Variants in LRRC7 observed in about 807,000 individuals in gnomAD.
The protein encoded by LRRC7 is leucine rich repeat containing 7.
A neutral mutation model predicts 175.7 loss-of-function variants in LRRC7; 23 were observed. That is an observed-to-expected ratio of 0.13 (90% CI 0.09 to 0.19). The LOEUF (loss-of-function observed/expected upper bound fraction) is 0.19. Among genes scored for constraint, LRRC7 ranks in the 10% least tolerant of loss-of-function variants. LRRC7 has a pLI of 1.00. For missense variants in LRRC7, 1,354 were observed against 1,904.7 expected (o/e 0.71, Z 5.38); for synonymous variants, 685 against 680.9 (o/e 1.01, Z -0.09).
At chr1:69,661,545 T>G (rs756169488) in intron 1 of LRRC7, among the ~76,000 whole-genome samples, 7 of 152,132 alleles carry the variant, frequency 4.6e-5, no homozygotes, top group Non-Finnish European at 1.5e-5. Flanking sequence ...TTACTCTGAG[T>G]GGTCAGCACC....
At chr1:69,846,843 C>A (rs1205252022) in intron 7 of LRRC7, among the ~76,000 whole-genome samples, 1 of 151,876 alleles carries the variant, frequency 6.6e-6, no homozygotes, top group Non-Finnish European at 1.5e-5. Context: ...GACATGAGTT[C>A]TAGATATTTT....
chr1:69,976,188 A>T (rs1023097621), intron 8 of LRRC7, among the ~76,000 whole-genome samples: 11 of 152,162 alleles, frequency 7.2e-5, no homozygotes, highest in African/African-American at 2.4e-4. Context: ...AGGGGAGTTT[A>T]TTAAGTAGTA....
intron 1 of LRRC7, among the ~76,000 whole-genome samples, chr1:69,613,113 G>A (rs1649052346): frequency 2.0e-5 from 3 of 152,038 alleles, no homozygotes; most frequent in African/African-American, 4.8e-5. Context: ...AACAAGTATA[G>A]CATAGACTAT....
chr1:69,860,565 C>T (rs909156651), intron 7 of LRRC7, among the ~76,000 whole-genome samples: 14 of 151,536 alleles, frequency 9.2e-5, no homozygotes, highest in African/African-American at 2.9e-4. Context: ...CTAATATATA[C>T]TAGAATGAAT....
At chr1:69,974,532 G>A (rs896444038) in intron 8 of LRRC7, among the ~76,000 whole-genome samples, 4 of 152,012 alleles carry the variant, frequency 2.6e-5, no homozygotes, top group African/African-American at 7.3e-5. Context: ...AATTTTTAAC[G>A]GAAACAACTG....
intron 2 of LRRC7, among the ~76,000 whole-genome samples, chr1:69,750,494 G>A (rs1362519441): frequency 1.3e-5 from 2 of 152,122 alleles, no homozygotes; most frequent in Non-Finnish European, 2.9e-5. Flanking sequence ...GAAAACATTG[G>A]TTTGAACAAA....
chr1:70,139,217 C>A lies in LRRC7; in HGVS notation c.*17330C>A, dbSNP rs1241975491. ...ATCAAACAGCAAGTGATAGAACATTCAGGCGTTTTATTGGATTTCAGAATT... is the reference window on the plus strand; with the variant it reads ...ATCAAACAGCAAGTGATAGAACATTAAGGCGTTTTATTGGATTTCAGAATT... On this transcript the variant is annotated 3_prime_UTR_variant, in exon 27 of 27. Transcript: ENST00000651989. The A allele has an allele frequency of 6.6e-6, 1 of 152,144 alleles. No individual in the cohort carries two copies. Among genetic ancestry groups the A allele is most frequent in the Non-Finnish European group, 1.5e-5 (1 of 68,026 alleles). 9.4% of individuals were successfully genotyped at this position (152,144 alleles called of 1,614,324 possible).
At chr1:70,104,837 C>T (rs1665035691) in intron 25 of LRRC7, among the ~76,000 whole-genome samples, 1 of 152,124 alleles carries the variant, frequency 6.6e-6, no homozygotes, top group Non-Finnish European at 1.5e-5. Context: ...GATATGATGA[C>T]CTTAATTCAG....
intron 23 of LRRC7, among the ~76,000 whole-genome samples, chr1:70,074,509 G>T (rs1662631168): frequency 6.6e-6 from 1 of 152,186 alleles, no homozygotes; most frequent in Non-Finnish European, 1.5e-5. Context: ...TATTTATGAG[G>T]TTATAGATCT....
intron 7 of LRRC7, among the ~76,000 whole-genome samples, chr1:69,851,028 G>T (rs140634406): frequency 6.6e-6 from 1 of 152,122 alleles, no homozygotes; most frequent in Non-Finnish European, 1.5e-5. Context: ...ATGAGAGTGA[G>T]CAGCCAGAGA....
chr1:69,824,652 T>G (rs1679689644), intron 4 of LRRC7, among the ~76,000 whole-genome samples: 1 of 152,134 alleles, frequency 6.6e-6, no homozygotes, highest in Admixed American at 6.6e-5. Flanking sequence ...TCAAGGGCTT[T>G]GAAGTCCTGT....
chr1:69,944,302 AT>A (rs922542723), intron 8 of LRRC7, among the ~76,000 whole-genome samples: 2 of 152,070 alleles, frequency 1.3e-5, no homozygotes, highest in African/African-American at 4.8e-5. Flanking sequence ...CATGATAGGA[AT>A]TTCTTCTTTC....
chr1:70,106,425 A>G (rs183724308), intron 25 of LRRC7, among the ~76,000 whole-genome samples: 1 of 152,310 alleles, frequency 6.6e-6, no homozygotes. Flanking sequence ...TTCACTGGGC[A>G]TAGTGTTTTC....
intron 1 of LRRC7, among the ~76,000 whole-genome samples, chr1:69,635,887 TAGC>T (rs1179328855): frequency 6.6e-6 from 1 of 151,946 alleles, no homozygotes; most frequent in African/African-American, 2.4e-5. Flanking sequence ...AATCATCTAA[TAGC>T]AGATATTAAA....
chr1:69,906,211 C>T (rs1377913586), intron 7 of LRRC7, among the ~76,000 whole-genome samples: 1 of 152,014 alleles, frequency 6.6e-6, no homozygotes, highest in Non-Finnish European at 1.5e-5. Context: ...TTGTGGGTTG[C>T]CTGTTCACTC....
rs1305422333 is a variant in LRRC7, at chr1:69,641,169, C to A, written c.3-37212C>A. Among the ~76,000 whole-genome samples, 5 of 151,722 alleles carry A rather than the reference C, an allele frequency of 3.3e-5. No homozygotes were observed. The South Asian group carries it at 6.2e-4, about 19-fold the overall frequency. On this transcript the variant is annotated intron_variant, in intron 1 of 26. Transcript: ENST00000651989. ...TACATTAGGAATAAATTCACTCACT[C>A]TGGAACAACAGTACTCAAAACAATT...
intron 10 of LRRC7, among the ~76,000 whole-genome samples, chr1:69,988,780 C>A (rs1396878759): frequency 6.6e-6 from 1 of 152,170 alleles, no homozygotes; most frequent in Non-Finnish European, 1.5e-5. Context: ...AGACCACCAA[C>A]ATTGCTAATA....
chr1:69,869,125 A>G (rs1051672904), intron 7 of LRRC7, among the ~76,000 whole-genome samples: 1 of 152,092 alleles, frequency 6.6e-6, no homozygotes, highest in Admixed American at 6.6e-5. Context: ...ACGGGGAGTG[A>G]TGTGGTTAAA....
At chr1:69,983,212 C>T (rs1175701372) in intron 9 of LRRC7, among the ~76,000 whole-genome samples, 1 of 152,154 alleles carries the variant, frequency 6.6e-6, no homozygotes, top group Non-Finnish European at 1.5e-5. Context: ...CTGACTCATC[C>T]AAAGTACTCT....
Sources: gnomAD v4.1 joint callset for allele counts (sites outside exome capture counted in the v4.1 genomes callset) on GRCh38, gnomAD v4.1.1 for gene constraint, MANE v1.5 for transcripts, NCBI Gene and HGNC (gene_info 2026-07-23, HGNC 2026-07-21) for gene names.